The following SLC9D1 variants were observed in gnomAD, a reference collection of about 807,000 sequenced individuals.
SLC9D1 encodes the protein solute carrier family 9 member D1.
At chr13:113,518,433 G>A in the SLC9D1 span, among the ~76,000 whole-genome samples, 1 of 152,222 alleles carries the variant, frequency 6.6e-6, no homozygotes, top group Non-Finnish European at 1.5e-5. Context: ...TATGATCGGT[G>A]CAAAGGAAGA....
the SLC9D1 span, chr13:113,501,994 C>G: frequency 1.2e-6 from 1 of 838,296 alleles, no homozygotes; most frequent in South Asian, 1.7e-5. Context: ...TCGTATAAAC[C>G]ATTTCAAAGA....
chr13:113,508,571 A>G, the SLC9D1 span, among the ~76,000 whole-genome samples: 2 of 152,114 alleles, frequency 1.3e-5, no homozygotes, highest in African/African-American at 2.4e-5. Flanking sequence ...GGAAGGAGAG[A>G]GGGGGCCGAG....
the SLC9D1 span, among the ~76,000 whole-genome samples, chr13:113,538,081 C>T: frequency 6.6e-6 from 1 of 150,518 alleles, no homozygotes; most frequent in Admixed American, 6.6e-5. Context: ...CATTCGTTTG[C>T]CTTGTGTGGA....
the SLC9D1 span, among the ~76,000 whole-genome samples, chr13:113,518,869 C>G: frequency 6.6e-6 from 1 of 152,178 alleles, no homozygotes; most frequent in African/African-American, 2.4e-5. Flanking sequence ...ATATTTTGTT[C>G]ACCAAAAATT....
At chr13:113,539,634 A>G in the SLC9D1 span, 651 of 1,046,078 alleles carry the variant, frequency 6.2e-4, 6 homozygotes, top group East Asian at 6.0e-4. The surrounding 1 kb of genome is among the most constrained non-coding windows in gnomAD (Gnocchi z 4.8). Context: ...TGTATTCAGC[A>G]TATTTCAATT....
At chr13:113,498,588 G>T in the SLC9D1 span, 1 of 1,279,788 alleles carries the variant, frequency 7.8e-7, no homozygotes. Context: ...ACATGTTGTT[G>T]AAATTGTTCA....
chr13:113,510,103 A>T, the SLC9D1 span: 2 of 763,780 alleles, frequency 2.6e-6, no homozygotes. Context: ...CCATGTTCAG[A>T]TGGTGACCCC....
At chr13:113,542,578 A>G in the SLC9D1 span, among the ~76,000 whole-genome samples, 1 of 152,242 alleles carries the variant, frequency 6.6e-6, no homozygotes, top group Non-Finnish European at 1.5e-5. Flanking sequence ...AGGAAATACT[A>G]ACTTTGACAC....
the SLC9D1 span, among the ~76,000 whole-genome samples, chr13:113,521,291 G>A: frequency 6.6e-6 from 1 of 151,710 alleles, no homozygotes; most frequent in Non-Finnish European, 1.5e-5. Flanking sequence ...ATCCACGTGT[G>A]CGTATGTGGG....
the SLC9D1 span, chr13:113,520,883 G>A: frequency 7.9e-6 from 5 of 633,616 alleles, no homozygotes; most frequent in South Asian, 3.8e-5. Context: ...CCTTGCTCAC[G>A]CCCTGGCTCT....
chr13:113,517,449 C>G, the SLC9D1 span, among the ~76,000 whole-genome samples: 2 of 152,082 alleles, frequency 1.3e-5, no homozygotes, highest in Non-Finnish European at 2.9e-5. Context: ...AGGATGGTCT[C>G]GATCTCCTGA....
the SLC9D1 span, among the ~76,000 whole-genome samples, chr13:113,500,751 A>G: frequency 1.3e-5 from 2 of 152,194 alleles, no homozygotes; most frequent in Admixed American, 1.3e-4. Context: ...GGTCTCCAGC[A>G]GAGACTGGAG....
the SLC9D1 span, among the ~76,000 whole-genome samples, chr13:113,549,030 T>C: frequency 6.6e-6 from 1 of 152,214 alleles, no homozygotes; most frequent in Non-Finnish European, 1.5e-5. Context: ...GGCTTGTTAC[T>C]GTGGCCCGGG....
chr13:113,541,224 C>G, the SLC9D1 span, among the ~76,000 whole-genome samples: 4 of 151,832 alleles, frequency 2.6e-5, no homozygotes, highest in African/African-American at 9.7e-5. Context: ...GATTATGCCA[C>G]GCACACGATT....
chr13:113,539,993 A>G, the SLC9D1 span, among the ~76,000 whole-genome samples: 1 of 152,082 alleles, frequency 6.6e-6, no homozygotes, highest in African/African-American at 2.4e-5. The surrounding 1 kb of genome is among the most constrained non-coding windows in gnomAD (Gnocchi z 4.8). Flanking sequence ...TTCTGGTGTT[A>G]ATTCCCTGAG....
At chr13:113,539,152 G>A in the SLC9D1 span, among the ~76,000 whole-genome samples, 26 of 152,314 alleles carry the variant, frequency 1.7e-4, no homozygotes, top group African/African-American at 6.3e-4. This position sits in a 1 kb window ranked among gnomAD's most constrained non-coding sequence, Gnocchi z 4.8. Context: ...TTTTCTCCCA[G>A]TAAGGTTAAT....
the SLC9D1 span, chr13:113,527,124 T>A: frequency 6.6e-6 from 1 of 152,286 alleles, no homozygotes; most frequent in Non-Finnish European, 1.5e-5. Flanking sequence ...CACATGACTG[T>A]ATAATTGTTG....
the SLC9D1 span, among the ~76,000 whole-genome samples, chr13:113,540,394 C>T: frequency 1.3e-5 from 2 of 152,218 alleles, no homozygotes; most frequent in African/African-American, 4.8e-5. Flanking sequence ...ACCTCGCCAG[C>T]GTCTGTTGCC....
At chr13:113,520,376 C>G in the SLC9D1 span, among the ~76,000 whole-genome samples, 15 of 150,508 alleles carry the variant, frequency 1.0e-4, no homozygotes, top group Non-Finnish European at 1.6e-4. Flanking sequence ...CCCAGCTACT[C>G]AGGAGGCTAA....
Sources: allele counts gnomAD v4.1 joint callset (sites outside exome capture counted in the v4.1 genomes callset), GRCh38; gene constraint gnomAD v4.1.1; non-coding constraint Gnocchi (gnomAD v3.1); transcripts MANE v1.5; gene names NCBI Gene and HGNC (gene_info 2026-07-23, HGNC 2026-07-21).